Variants in NUDCD3 observed in about 807,000 individuals in gnomAD.
NUDCD3 encodes the protein NudC domain containing 3, also known as nudC domain-containing protein 3.
Under a neutral mutation model 39.7 loss-of-function variants are expected in NUDCD3, and 13 were observed. The observed-to-expected ratio is 0.33, with a 90% CI of 0.21 to 0.52. NUDCD3 has a LOEUF of 0.52. Ranked by LOEUF, NUDCD3 falls within the 20% of genes least tolerant of loss-of-function variation. NUDCD3 has a pLI of 0.96. For synonymous variants in NUDCD3, 175 were observed against 172.4 expected (o/e 1.02, Z -0.12); for missense variants, 453 against 458.1 (o/e 0.99, Z 0.10).
chr7:44,489,112 A>G (rs1457609555), intron 1 of NUDCD3, among the ~76,000 whole-genome samples: 1 of 152,242 alleles, frequency 6.6e-6, no homozygotes, highest in African/African-American at 2.4e-5. Flanking sequence ...TTTCAGCTCT[A>G]CGGTGAACTG....
rs976296174 is a variant in NUDCD3 at position 44,427,013 on chromosome 7, C to T, written c.642+558G>A. ...GCTCATCACCATACACGGGGAGGTG[C>T]TACCCACTGTGTCATTTTGTCTAAT... On this transcript the variant is annotated intron_variant, in intron 3 of 5. Transcript: ENST00000355451. Among the ~76,000 whole-genome samples, 17 of 152,234 alleles carry T rather than the reference C, an allele frequency of 1.1e-4. 1 individual carries two copies. Among genetic ancestry groups the T allele is most frequent in the Middle Eastern group, 3.4e-3 (1 of 294 alleles).
At chr7:44,464,959 G>C (rs1300630357) in intron 2 of NUDCD3, among the ~76,000 whole-genome samples, 1 of 151,990 alleles carries the variant, frequency 6.6e-6, no homozygotes, top group Non-Finnish European at 1.5e-5. Context: ...CCCAGGGGCC[G>C]AGCCGAGGGC....
intron 2 of NUDCD3, among the ~76,000 whole-genome samples, chr7:44,481,068 T>C (rs1800481816): frequency 6.6e-6 from 1 of 151,844 alleles, no homozygotes; most frequent in African/African-American, 2.4e-5. Context: ...GTAACAACTA[T>C]TTACATAGCA....
intron 3 of NUDCD3, among the ~76,000 whole-genome samples, chr7:44,425,670 C>A (rs1585070144): frequency 1.3e-5 from 2 of 152,210 alleles, no homozygotes; most frequent in Admixed American, 1.3e-4. Context: ...TCAAGACCAG[C>A]CTGGGAAACA....
chr7:44,412,996 T>C (rs1363517885), intron 3 of NUDCD3, among the ~76,000 whole-genome samples: 2 of 148,390 alleles, frequency 1.3e-5, no homozygotes, highest in Non-Finnish European at 3.0e-5. Context: ...GACAAAACTA[T>C]TCTAATGGGG....
At chr7:44,475,561 C>T (rs1201823999) in intron 2 of NUDCD3, among the ~76,000 whole-genome samples, 1 of 152,010 alleles carries the variant, frequency 6.6e-6, no homozygotes, top group Non-Finnish European at 1.5e-5. Flanking sequence ...AGTTTGAGAC[C>T]AGCCTGGGCA....
At chr7:44,488,581 T>C (rs183812283) in intron 1 of NUDCD3, among the ~76,000 whole-genome samples, 119 of 152,260 alleles carry the variant, frequency 7.8e-4, no homozygotes, top group Non-Finnish European at 1.3e-4. Flanking sequence ...AGTCCAGTAA[T>C]TCCAATAGCC....
chr7:44,477,988 C>G (rs1800411984), intron 2 of NUDCD3, among the ~76,000 whole-genome samples: 2 of 152,006 alleles, frequency 1.3e-5, no homozygotes, highest in South Asian at 4.2e-4. Flanking sequence ...CACGCACCAC[C>G]ACACCTGGTT....
At chr7:44,409,889 G>T (rs561147533) in intron 3 of NUDCD3, among the ~76,000 whole-genome samples, 1 of 151,932 alleles carries the variant, frequency 6.6e-6, no homozygotes, top group African/African-American at 2.4e-5. Flanking sequence ...AAGTAAAAGG[G>T]GGAAAAGATA....
rs188118406 is a variant in NUDCD3, at chr7:44,439,432, G to A, written c.510-11729C>T. ...GACAGGGCCTAGAAGCAGGAGCCACGTGCCCTCTGAGTGCCCAGATCTTGG... is the reference window on the plus strand; with the variant it reads ...GACAGGGCCTAGAAGCAGGAGCCACATGCCCTCTGAGTGCCCAGATCTTGG... On this transcript the variant is annotated intron_variant, in intron 2 of 5. Coordinates refer to ENST00000355451, the MANE Select transcript of NUDCD3 (RefSeq NM_015332.4). 5.9e-5 allele frequency among the ~76,000 whole-genome samples: 9 copies of A among 152,202 alleles called. No homozygotes were observed. In the East Asian group the frequency reaches 1.7e-3, roughly 29 times the overall value.
intron 2 of NUDCD3, among the ~76,000 whole-genome samples, chr7:44,472,449 A>G (rs1437126852): frequency 1.3e-5 from 2 of 152,200 alleles, no homozygotes; most frequent in Non-Finnish European, 2.9e-5. Context: ...AGACCAAAAG[A>G]CTCAATAATG....
At chr7:44,469,135 A>AC (rs1800198908) in intron 2 of NUDCD3, among the ~76,000 whole-genome samples, 1 of 150,198 alleles carries the variant, frequency 6.7e-6, no homozygotes, top group Admixed American at 6.6e-5. Context: ...AAAAAAAAAA[A>AC]AAAAAACAGG....
chr7:44,444,612 A>C (rs1001069826), intron 2 of NUDCD3, among the ~76,000 whole-genome samples: 1 of 152,214 alleles, frequency 6.6e-6, no homozygotes, highest in African/African-American at 2.4e-5. Flanking sequence ...GAATACTTAC[A>C]TAACACCCCA....
chr7:44,415,310 G>C (rs1023050373), intron 3 of NUDCD3, among the ~76,000 whole-genome samples: 2 of 152,162 alleles, frequency 1.3e-5, no homozygotes, highest in African/African-American at 4.8e-5. Flanking sequence ...AAAGTTCCTT[G>C]TCTCTATTCT....
chr7:44,470,379 G>A (rs765986465), intron 2 of NUDCD3, among the ~76,000 whole-genome samples: 1 of 152,144 alleles, frequency 6.6e-6, no homozygotes, highest in Non-Finnish European at 1.5e-5. Context: ...AGAACTCACA[G>A]CCAAGTCATT....
intron 2 of NUDCD3, among the ~76,000 whole-genome samples, chr7:44,432,578 G>A (rs977400487): frequency 6.6e-6 from 1 of 152,220 alleles, no homozygotes; most frequent in African/African-American, 2.4e-5. Context: ...CAAGCTTGCT[G>A]CTCCCCACTT....
rs1798315262 is a variant in NUDCD3 at position 44,382,156 on chromosome 7, G to GT, written c.*3854dup. ...GGGGGGTTTCTTCCCTCCCTCTGAG[G>GT]TAAGACCAATCTGTTAAACTTTCAG... On this transcript the variant is annotated 3_prime_UTR_variant, in exon 6 of 6. Coordinates refer to ENST00000355451, the MANE Select transcript of NUDCD3 (RefSeq NM_015332.4). 2 of 152,108 alleles carry GT rather than the reference G, an allele frequency of 1.3e-5. No individual in the cohort carries two copies. The highest frequency in any genetic ancestry group is 2.9e-5 in the Non-Finnish European group (2 of 68,032). The allele number at this position is 152,108 out of a possible 1,614,324, so 9.4% of individuals were successfully genotyped here.
chr7:44,404,714 T>C (rs1798785071), intron 3 of NUDCD3, 131 bp from the exon 4 acceptor site: 1 of 888,576 alleles, frequency 1.1e-6, no homozygotes, highest in Non-Finnish European at 1.7e-6. Context: ...TCACCAGGCA[T>C]CTCAGTGAAG....
At position 44,382,321 on chromosome 7, in the gene NUDCD3, C is replaced by T. The variant is rs746886871; in HGVS notation, c.*3690G>A. 2.0e-5 allele frequency: 3 copies of T among 151,870 alleles called. No homozygotes were observed. Among genetic ancestry groups the T allele is most frequent in the Non-Finnish European group, 4.4e-5 (3 of 67,936 alleles). The allele number at this position is 151,870 out of a possible 1,614,324, so 9.4% of individuals were successfully genotyped here. ...ATTTACCCATGTAACAACCCTTGAA[C>T]CTAAAGTTGGAAAGAAAAAAAAAGG... On this transcript the variant is annotated 3_prime_UTR_variant, in exon 6 of 6. Coordinates refer to ENST00000355451, the MANE Select transcript of NUDCD3 (RefSeq NM_015332.4).
Sources: gnomAD v4.1 joint callset for allele counts (sites outside exome capture counted in the v4.1 genomes callset) on GRCh38, gnomAD v4.1.1 for gene constraint, MANE v1.5 for transcripts, NCBI Gene and HGNC (gene_info 2026-07-23, HGNC 2026-07-21) for gene names.